GANC: variants seen among roughly 807,000 people sequenced by gnomAD.
GANC encodes neutral alpha-glucosidase C.
GANC carries 117 observed loss-of-function variants against 124.2 expected under a neutral mutation model. The observed-to-expected ratio is 0.94, with a 90% confidence interval of 0.81 to 1.10. The LOEUF (loss-of-function observed/expected upper bound fraction) is 1.10. GANC is among the 50% of genes least tolerant of loss of function. The probability of loss-of-function intolerance (pLI) is 0.00; values close to 1 mark genes in which losing one functional copy is unlikely to be tolerated. For synonymous variants in GANC, 377 were observed against 376.8 expected (o/e 1.00, Z -0.01); for missense variants, 1,140 against 1,095.0 (o/e 1.04, Z -0.58).
intron 7 of GANC, among the ~76,000 whole-genome samples, chr15:42,307,496 G>C (rs1381784027): frequency 6.6e-6 from 1 of 152,012 alleles, no homozygotes; most frequent in African/African-American, 2.4e-5. Flanking sequence ...ACCATACCCG[G>C]CCATGTCATA....
At chr15:42,315,794 G>A (rs1410776011) in intron 10 of GANC, among the ~76,000 whole-genome samples, 2 of 151,982 alleles carry the variant, frequency 1.3e-5, no homozygotes, top group East Asian at 1.9e-4. Flanking sequence ...GTAGTTGAAG[G>A]CCTGGAGAAA....
At chr15:42,336,422 C>T (rs1595782526) in intron 15 of GANC, among the ~76,000 whole-genome samples, 1 of 152,180 alleles carries the variant, frequency 6.6e-6, no homozygotes, top group East Asian at 1.9e-4. Flanking sequence ...GGACAACTGG[C>T]AAGCCATATG....
Position 42,340,583 on chromosome 15 carries a change from A to G in GANC, c.2088-107A>G, listed in dbSNP as rs912658416. On this transcript the variant is annotated intron_variant, in intron 17 of 23. Transcript: ENST00000318010. ...AGCACCACGGCATTCCAGCCTGGGC[A>G]ACAAAGTGAGATCCATCTAAAAAAA... 9 of 850,830 alleles carry G rather than the reference A, an allele frequency of 1.1e-5. No individual in the cohort carries two copies. The South Asian group carries it at 1.4e-4, about 13-fold the overall frequency. 52.7% of individuals were successfully genotyped at this position (850,830 alleles called of 1,614,324 possible). A position where few individuals can be genotyped will look rare whatever the true frequency, so the allele number is the denominator to read the frequency against.
rs137887901 is a variant in GANC, at chr15:42,314,465, C to G, written c.1057+3619C>G. On this transcript the variant is annotated intron_variant, in intron 10 of 23. Coordinates refer to ENST00000318010, the MANE Select transcript of GANC (RefSeq NM_198141.3). ...GCTTGTGACACAGCTAACTCAGGAGCTGTTATGGTCCTTGGGTGGCTGTTT... is the reference window on the plus strand; with the variant it reads ...GCTTGTGACACAGCTAACTCAGGAGGTGTTATGGTCCTTGGGTGGCTGTTT... 6.1e-3 allele frequency: 1,889 copies of G among 311,092 alleles called. 28 individuals are homozygous for G. The highest frequency in any genetic ancestry group is 0.037 in the African/African-American group (1,688 of 45,566). The allele number at this position is 311,092 out of a possible 1,614,324, so 19.3% of individuals were successfully genotyped here.
intron 19 of GANC, among the ~76,000 whole-genome samples, chr15:42,344,438 G>A (rs1014479704): frequency 6.6e-6 from 1 of 152,134 alleles, no homozygotes; most frequent in Non-Finnish European, 1.5e-5. Context: ...GACACTTGTG[G>A]TCACATTGAA....
intron 1 of GANC, among the ~76,000 whole-genome samples, chr15:42,275,180 G>C (rs2141007345): frequency 6.6e-6 from 1 of 152,182 alleles, no homozygotes; most frequent in South Asian, 2.1e-4. Flanking sequence ...GTTCAGACCA[G>C]CCTGGGCAAC....
intron 3 of GANC, among the ~76,000 whole-genome samples, chr15:42,282,455 C>T (rs546856009): frequency 6.6e-6 from 1 of 152,240 alleles, no homozygotes; most frequent in South Asian, 2.1e-4. Context: ...CTGCATACAT[C>T]CACTTATTCA....
chr15:42,290,311 A>G (rs751187128), intron 4 of GANC, among the ~76,000 whole-genome samples: 8 of 152,232 alleles, frequency 5.3e-5, no homozygotes, highest in South Asian at 2.1e-4. Context: ...AAAGAAAACA[A>G]TAGTCTCAGG....
At chr15:42,296,142 CAAA>C (rs79173534) in intron 5 of GANC, among the ~76,000 whole-genome samples, 5 of 64,738 alleles carry the variant, frequency 7.7e-5, no homozygotes, top group African/African-American at 1.5e-4. Context: ...AACTCTGTCT[CAAA>C]AAAAAAAAAA....
At chr15:42,338,513 T>C in intron 16 of GANC, 23 bp downstream of exon 16, 1 of 1,507,392 alleles carries the variant, frequency 6.6e-7, no homozygotes, top group South Asian at 1.1e-5. Context: ...CTTTGAGGCT[T>C]GAAGTGCAAG....
At chr15:42,351,910 A>G (rs900694174) in intron 23 of GANC, 120 bp from the exon 24 acceptor site, 18 of 1,252,862 alleles carry the variant, frequency 1.4e-5, no homozygotes, top group Admixed American at 1.0e-4. Context: ...AAGTGCTATT[A>G]ATTTGGAGTG....
rs556341999 is a variant in GANC at position 42,347,761 on chromosome 15, A to T, written c.2305-342A>T. Among the ~76,000 whole-genome samples the T allele has an allele frequency of 2.0e-5, 3 of 152,338 alleles. No homozygotes were observed. The South Asian group carries it at 6.2e-4, about 32-fold the overall frequency. On this transcript the variant is annotated intron_variant, in intron 20 of 23. Transcript: ENST00000318010. ...ATAAGCATGTATATACTACACTGAT[A>T]GGAAAATTTAAAATACAAAATAGGA...
chr15:42,310,590 A>G (rs974182193), intron 9 of GANC, 103 bp from the exon 10 acceptor site: 5 of 1,482,176 alleles, frequency 3.4e-6, no homozygotes, highest in African/African-American at 2.8e-5. Context: ...TAATCAGTGA[A>G]TATCAGTAGT....
In GANC at chr15:42,292,641, A is replaced by T. The variant is rs182218607; in HGVS notation, c.330-94A>T. On this transcript the variant is annotated intron_variant, in intron 4 of 23. Coordinates refer to ENST00000318010, the MANE Select transcript of GANC (RefSeq NM_198141.3). ...TTATCTATGGCTATGTCACATGAATATTGATTTACTAATTAATTACTTGGA... is the reference window on the plus strand; with the variant it reads ...TTATCTATGGCTATGTCACATGAATTTTGATTTACTAATTAATTACTTGGA... 5.6e-4 allele frequency: 694 copies of T among 1,236,424 alleles called. 5 individuals are homozygous for T. In the Middle Eastern group the frequency reaches 7.7e-3, roughly 14 times the overall value. The allele number at this position is 1,236,424 out of a possible 1,614,324, so 76.6% of individuals were successfully genotyped here. A position where few individuals can be genotyped will look rare whatever the true frequency, so the allele number is the denominator to read the frequency against.
chr15:42,334,556 T>C (rs891163718), intron 15 of GANC, among the ~76,000 whole-genome samples: 2 of 152,128 alleles, frequency 1.3e-5, no homozygotes, highest in Non-Finnish European at 2.9e-5. Flanking sequence ...CAAATTAGAC[T>C]TTATCAAAAT....
intron 19 of GANC, chr15:42,343,499 T>G (rs2052342701): frequency 4.7e-6 from 1 of 215,022 alleles, no homozygotes; most frequent in African/African-American, 2.3e-5. Context: ...AAAGCAGATA[T>G]GAAGTGACTT....
At chr15:42,349,536 TC>T (rs752206929) in intron 22 of GANC, 41 bp downstream of exon 22, 2 of 1,152,450 alleles carry the variant, frequency 1.7e-6, no homozygotes, top group East Asian at 4.7e-5. Context: ...CTTAAGTAAA[TC>T]ACACTATCCG....
At chr15:42,301,793 T>C (rs1053238787) in intron 6 of GANC, among the ~76,000 whole-genome samples, 2 of 152,234 alleles carry the variant, frequency 1.3e-5, no homozygotes, top group African/African-American at 4.8e-5. Flanking sequence ...ATAGCCAGAC[T>C]GCCTCTCTAG....
At chr15:42,328,314 G>A (rs568754771) in intron 13 of GANC, among the ~76,000 whole-genome samples, 4 of 152,208 alleles carry the variant, frequency 2.6e-5, no homozygotes, top group African/African-American at 9.6e-5. Flanking sequence ...TACTACTATG[G>A]CAGAGTTGAA....
Sources: gnomAD v4.1 joint callset for allele counts (sites outside exome capture counted in the v4.1 genomes callset) on GRCh38, gnomAD v4.1.1 for gene constraint, MANE v1.5 for transcripts, NCBI Gene and HGNC (gene_info 2026-07-23, HGNC 2026-07-21) for gene names.